Variants in PGRMC2 observed in about 807,000 individuals in gnomAD.
PGRMC2 encodes progesterone receptor membrane component 2, also known as membrane-associated progesterone receptor component 2.
PGRMC2 carries 9 observed loss-of-function variants against 19.3 expected under a neutral mutation model. That is an observed-to-expected ratio of 0.47 (90% CI 0.28 to 0.81). The LOEUF is 0.81. PGRMC2 is among the 40% of genes least tolerant of loss of function. The pLI, the probability that PGRMC2 is intolerant of heterozygous loss-of-function variation, is 0.11. For missense variants in PGRMC2, 289 were observed against 297.3 expected (o/e 0.97, Z 0.21); for synonymous variants, 157 against 124.6 (o/e 1.26, Z -1.73).
In PGRMC2 at chr4:128,269,759, T is replaced by G. The variant is rs1162546416; in HGVS notation, c.*1557A>C. 1.3e-5 allele frequency: 2 copies of G among 152,188 alleles called. No homozygotes were observed. The highest frequency in any genetic ancestry group is 2.9e-5 in the Non-Finnish European group (2 of 68,036). 9.4% of individuals were successfully genotyped at this position (152,188 alleles called of 1,614,324 possible). A position where few individuals can be genotyped will look rare whatever the true frequency, so the allele number is the denominator to read the frequency against. ...AAAGTAATTGATATATGAGGGGCTT[T>G]TAGTAAGGGCTTTTTCAACCTAATA... is the stretch of plus-strand genomic sequence containing the variant. On this transcript the variant is annotated 3_prime_UTR_variant, in exon 3 of 3. Coordinates refer to ENST00000296425, the MANE Select transcript of PGRMC2 (RefSeq NM_006320.6).
rs1339053936 is a variant in PGRMC2 at position 128,287,500 on chromosome 4, G to T, written c.291C>A (p.Arg97=). 2 of 1,612,638 alleles carry T rather than the reference G, an allele frequency of 1.2e-6. No homozygotes were observed. Among genetic ancestry groups the T allele is most frequent in the African/African-American group, 2.7e-5 (2 of 74,896 alleles). ...GEESPATSLP[R]MKKRDFSLEQ... The stretch of plus-strand genomic sequence containing the variant: ...CCAAGCTGAAGTCCCGCTTCTTCAT[G>T]CGAGGCAGAGAGGTGGCGGGGCTCT... Residue 97 remains arginine (R), a synonymous_variant, in exon 1 of 3, where the codon CGC becomes CGA. Coordinates refer to ENST00000296425, the MANE Select transcript of PGRMC2 (RefSeq NM_006320.6).
chr4:128,271,134 A>C lies in PGRMC2; in HGVS notation c.*182T>G, dbSNP rs528261706. 490 of 429,480 alleles carry C rather than the reference A, an allele frequency of 1.1e-3. 3 individuals carry two copies. The highest frequency in any genetic ancestry group is 3.8e-4 in the Non-Finnish European group (91 of 240,046). 26.6% of individuals were successfully genotyped at this position (429,480 alleles called of 1,614,324 possible). A position where few individuals can be genotyped will look rare whatever the true frequency, so the allele number is the denominator to read the frequency against. ...ACATTACAAACAACTGCAACAAATG[A>C]GTTTGGCAGCATAAATAATGTCTAG... On this transcript the variant is annotated 3_prime_UTR_variant, in exon 3 of 3. Transcript: ENST00000296425.
In PGRMC2 at chr4:128,287,355, C is replaced by T. The variant is rs765024862; in HGVS notation, c.418+18G>A. ...TTCAGCTGCAGGGGGTCCTTCCCCT[C>T]CCCTTCCAACTCCTCACCCGGGCCG... On this transcript the variant is annotated intron_variant, in intron 1 of 2. Coordinates refer to ENST00000296425, the MANE Select transcript of PGRMC2 (RefSeq NM_006320.6). 20 of 1,582,688 alleles carry T rather than the reference C, an allele frequency of 1.3e-5. No homozygotes were observed. Among genetic ancestry groups the T allele is most frequent in the African/African-American group, 2.7e-5 (2 of 73,850 alleles).
At chr4:128,279,183 G>A (rs1231114827) in intron 1 of PGRMC2, among the ~76,000 whole-genome samples, 1 of 151,666 alleles carries the variant, frequency 6.6e-6, no homozygotes, top group African/African-American at 2.4e-5. Context: ...ACTCCAGCCT[G>A]GGCAACAAGA....
At chr4:128,272,025 A>G (rs1336565319) in intron 2 of PGRMC2, among the ~76,000 whole-genome samples, 1 of 152,254 alleles carries the variant, frequency 6.6e-6, no homozygotes. Flanking sequence ...TAGAATTTGT[A>G]ACAAGTCATT....
At chr4:128,287,043 T>G (rs1245839791) in intron 1 of PGRMC2, among the ~76,000 whole-genome samples, 30 of 150,998 alleles carry the variant, frequency 2.0e-4, no homozygotes, top group Admixed American at 9.9e-4. Flanking sequence ...CTGTGACAAC[T>G]AAAACGATTT....
intron 1 of PGRMC2, among the ~76,000 whole-genome samples, chr4:128,286,218 A>G (rs1760981280): frequency 6.6e-6 from 1 of 151,966 alleles, no homozygotes; most frequent in South Asian, 2.1e-4. Context: ...AGGTCACTTT[A>G]GGTCTCTAAT....
chr4:128,276,651 A>G (rs1760817776), intron 1 of PGRMC2, among the ~76,000 whole-genome samples: 1 of 152,180 alleles, frequency 6.6e-6, no homozygotes, highest in Admixed American at 6.5e-5. Context: ...GCTAGTTTAC[A>G]TGATCTGGTT....
intron 1 of PGRMC2, among the ~76,000 whole-genome samples, chr4:128,283,494 A>G (rs1760938994): frequency 1.3e-5 from 2 of 152,210 alleles, no homozygotes; most frequent in African/African-American, 4.8e-5. Context: ...GAAAATATAC[A>G]AAGTGCACTG....
At chr4:128,277,764 C>T (rs1368460971) in intron 1 of PGRMC2, among the ~76,000 whole-genome samples, 1 of 152,062 alleles carries the variant, frequency 6.6e-6, no homozygotes, top group Non-Finnish European at 1.5e-5. Context: ...TCCAGTAAGT[C>T]CCAAGACTTT....
chr4:128,284,406 G>A (rs1424118606), intron 1 of PGRMC2, among the ~76,000 whole-genome samples: 1 of 152,168 alleles, frequency 6.6e-6, no homozygotes, highest in Non-Finnish European at 1.5e-5. Flanking sequence ...GATATTGTGG[G>A]TGCTTAACGA....
At chr4:128,275,312 A>C (rs1239856035) in intron 1 of PGRMC2, among the ~76,000 whole-genome samples, 1 of 152,202 alleles carries the variant, frequency 6.6e-6, no homozygotes, top group African/African-American at 2.4e-5. Flanking sequence ...TCATTATAAA[A>C]ACAGCAATCA....
At chr4:128,285,271 C>A (rs1471843917) in intron 1 of PGRMC2, among the ~76,000 whole-genome samples, 2 of 152,134 alleles carry the variant, frequency 1.3e-5, no homozygotes, top group African/African-American at 4.8e-5. Flanking sequence ...GGATTACAGG[C>A]ACCCGCCACC....
chr4:128,287,325 T>C (rs1293544504), intron 1 of PGRMC2, 48 bp downstream of exon 1: 1 of 1,553,776 alleles, frequency 6.4e-7, no homozygotes. Flanking sequence ...CGAAGGGGGT[T>C]GTGCTTCAGC....
At chr4:128,286,895 G>C (rs1260020331) in intron 1 of PGRMC2, 1 of 390,502 alleles carries the variant, frequency 2.6e-6, no homozygotes, top group Non-Finnish European at 4.5e-6. Flanking sequence ...AAAAAAAAAG[G>C]GGGCAAGGAA....
At chr4:128,286,396 A>C (rs1219912708) in intron 1 of PGRMC2, among the ~76,000 whole-genome samples, 1 of 152,150 alleles carries the variant, frequency 6.6e-6, no homozygotes, top group Non-Finnish European at 1.5e-5. Flanking sequence ...ACACTGTAAA[A>C]AAAGGGCGTC....
intron 1 of PGRMC2, among the ~76,000 whole-genome samples, chr4:128,273,946 G>C (rs999440866): frequency 1.3e-5 from 2 of 152,176 alleles, no homozygotes; most frequent in African/African-American, 4.8e-5. Context: ...AAAGCTAACA[G>C]TTCCAGTAAA....
chr4:128,272,427 T>C lies in PGRMC2; in HGVS notation c.509A>G (p.Asp170Gly). 2 of 1,588,142 alleles carry C rather than the reference T, an allele frequency of 1.3e-6. No homozygotes were observed. Among genetic ancestry groups the C allele is most frequent in the Admixed American group, 1.8e-5 (1 of 55,904 alleles). ...LDKDALRDEY[D>G]DLSDLNAVQM... The stretch of plus-strand genomic sequence containing the variant: ...TACTGCATTCAAATCTGAGAGATCA[T>C]CATATTCATCTCTAAGTGCATCTTT... Residue 170 changes from aspartate to glycine, a missense_variant, in exon 2 of 3, where the codon GAT (aspartate) becomes GGT (glycine). Transcript: ENST00000296425.
chr4:128,272,601 AAAC>A, intron 1 of PGRMC2, 84 bp from the exon 2 acceptor site: 1 of 891,568 alleles, frequency 1.1e-6, no homozygotes, highest in Non-Finnish European at 1.5e-6. Context: ...AAAAAAAAAA[AAAC>A]ACAACAAAGA....
Sources: gnomAD v4.1 joint callset for allele counts (sites outside exome capture counted in the v4.1 genomes callset) on GRCh38, gnomAD v4.1.1 for gene constraint, MANE v1.5 for transcripts, NCBI Gene and HGNC (gene_info 2026-07-23, HGNC 2026-07-21) for gene names.